RIMS1: variants seen among roughly 807,000 people sequenced by gnomAD.
The protein encoded by RIMS1 is regulating synaptic membrane exocytosis 1, also known as regulating synaptic membrane exocytosis protein 1.
In RIMS1, 83 loss-of-function variants were observed where a neutral mutation model predicts 214.1. The observed-to-expected ratio is 0.39, with a 90% CI of 0.32 to 0.47. The LOEUF is 0.47. Among genes scored for constraint, RIMS1 ranks in the 20% least tolerant of loss-of-function variants. The probability of loss-of-function intolerance (pLI) is 0.99; values close to 1 mark genes in which losing one functional copy is unlikely to be tolerated. For missense variants in RIMS1, 2,050 were observed against 2,161.8 expected, an observed-to-expected ratio of 0.95 and a Z score of 1.03; for synonymous variants, 793 against 786.8, an observed-to-expected ratio of 1.01 and a Z score of -0.13.
chr6:72,355,796 T>A (rs1317612157), intron 29 of RIMS1, among the ~76,000 whole-genome samples: 1 of 152,160 alleles, frequency 6.6e-6, no homozygotes, highest in African/African-American at 2.4e-5. Flanking sequence ...TCGATACCTG[T>A]CATTTATAAC....
intron 22 of RIMS1, among the ~76,000 whole-genome samples, chr6:72,270,282 A>G (rs1049531355): frequency 6.6e-6 from 1 of 151,320 alleles, no homozygotes; most frequent in Admixed American, 6.6e-5. Flanking sequence ...ATATTGGGGG[A>G]AAAATATTTA....
intron 1 of RIMS1, among the ~76,000 whole-genome samples, chr6:71,938,206 C>G (rs1785012214): frequency 6.6e-6 from 1 of 152,220 alleles, no homozygotes; most frequent in Non-Finnish European, 1.5e-5. Context: ...ACATCCAGGT[C>G]ACACTGAGGG....
chr6:72,258,491 G>A (rs1017192183), intron 17 of RIMS1, among the ~76,000 whole-genome samples: 1 of 152,090 alleles, frequency 6.6e-6, no homozygotes, highest in African/African-American at 2.4e-5. Context: ...AGCAGAAGTT[G>A]TTTATGTCCC....
In RIMS1 at chr6:72,159,811, A is replaced by G. The variant is rs1297452217; in HGVS notation, c.472-19764A>G. Among the ~76,000 whole-genome samples, 7 of 139,880 alleles carry G rather than the reference A, an allele frequency of 5.0e-5. 2 individuals carry two copies. The highest frequency in any genetic ancestry group is 1.7e-4 in the African/African-American group (7 of 40,500). The allele number at this position is 139,880 out of a possible 152,430, so 91.8% of individuals were successfully genotyped here. On this transcript the variant is annotated intron_variant, in intron 4 of 33. Transcript: ENST00000521978. The stretch of plus-strand genomic sequence containing the variant: ...ATTGTAGCCTTGAAGTATAGTTTGA[A>G]GTCAGGTAGTGTGATGTCTCCAGCT...
At chr6:72,050,108 AC>A (rs1202698737) in intron 2 of RIMS1, among the ~76,000 whole-genome samples, 4 of 151,824 alleles carry the variant, frequency 2.6e-5, no homozygotes, top group Non-Finnish European at 5.9e-5. Flanking sequence ...ATACACACAC[AC>A]CCCACCACCA....
intron 1 of RIMS1, among the ~76,000 whole-genome samples, chr6:71,897,201 G>A (rs1239491566): frequency 6.6e-6 from 1 of 152,058 alleles, no homozygotes; most frequent in African/African-American, 2.4e-5. Flanking sequence ...CAATCCCATT[G>A]TCATTACCTT....
intron 31 of RIMS1, among the ~76,000 whole-genome samples, chr6:72,393,175 C>G (rs1397068313): frequency 6.6e-6 from 1 of 150,572 alleles, no homozygotes; most frequent in African/African-American, 2.4e-5. Context: ...CACGCCTACA[C>G]AACTTACCAA....
At chr6:71,916,345 G>C (rs546647852) in intron 1 of RIMS1, among the ~76,000 whole-genome samples, 1 of 152,218 alleles carries the variant, frequency 6.6e-6, no homozygotes, top group Admixed American at 6.5e-5. Context: ...TCATTGATGA[G>C]AGTGTTTGTA....
intron 4 of RIMS1, among the ~76,000 whole-genome samples, chr6:72,114,008 T>C (rs1217221446): frequency 6.6e-6 from 1 of 152,072 alleles, no homozygotes; most frequent in Non-Finnish European, 1.5e-5. Flanking sequence ...TTATGTCAAA[T>C]ATCAAATGAA....
chr6:72,162,240 G>A (rs2045548163), intron 4 of RIMS1, among the ~76,000 whole-genome samples: 1 of 140,164 alleles, frequency 7.1e-6, no homozygotes, highest in African/African-American at 2.5e-5. Flanking sequence ...CATTTGCTTG[G>A]TATTTCTTCC....
chr6:72,402,276 C>T lies in RIMS1; in HGVS notation c.*1562C>T, dbSNP rs1458921212. The T allele has an allele frequency of 1.3e-5, 2 of 152,534 alleles. No individual in the cohort carries two copies. The highest frequency in any genetic ancestry group is 2.4e-5 in the African/African-American group (1 of 41,426). The allele number at this position is 152,534 out of a possible 1,614,324, so 9.4% of individuals were successfully genotyped here. On this transcript the variant is annotated 3_prime_UTR_variant, in exon 34 of 34. Transcript: ENST00000521978. ...ACAGTTTGCTTGTTAATTACTATAC[C>T]GAAATAACCAAGAAATCTAAGCCAT...
chr6:72,327,064 A>T (rs998557271), intron 28 of RIMS1, among the ~76,000 whole-genome samples: 4 of 151,784 alleles, frequency 2.6e-5, no homozygotes, highest in African/African-American at 9.7e-5. Context: ...GATGAAACAT[A>T]GCCCAGCTGA....
chr6:72,388,051 G>C (rs2098642392), intron 29 of RIMS1, among the ~76,000 whole-genome samples: 1 of 152,186 alleles, frequency 6.6e-6, no homozygotes, highest in Non-Finnish European at 1.5e-5. Flanking sequence ...CCCTGTTCTA[G>C]ATACGAGGAA....
chr6:72,218,119 T>TTG (rs386407531), intron 6 of RIMS1, among the ~76,000 whole-genome samples: 1 of 151,680 alleles, frequency 6.6e-6, no homozygotes, highest in African/African-American at 2.4e-5. Context: ...TTTTTTTTTT[T>TTG]TAATTGGCTT....
intron 1 of RIMS1, among the ~76,000 whole-genome samples, chr6:71,926,087 GA>G (rs1781483635): frequency 2.0e-5 from 3 of 152,068 alleles, no homozygotes; most frequent in Admixed American, 1.3e-4. Flanking sequence ...TTGTTGTTGA[GA>G]CCCAGTCTCA....
intron 2 of RIMS1, among the ~76,000 whole-genome samples, chr6:72,031,060 A>G (rs1817967819): frequency 6.6e-6 from 1 of 152,186 alleles, no homozygotes; most frequent in South Asian, 2.1e-4. Context: ...AATACAACAC[A>G]TGGCATGACA....
chr6:72,308,960 T>G (rs2095375465), intron 27 of RIMS1, among the ~76,000 whole-genome samples: 1 of 152,178 alleles, frequency 6.6e-6, no homozygotes, highest in Admixed American at 6.6e-5. Context: ...ATTTGGGGTT[T>G]TGTTTTCCCT....
At chr6:72,032,939 G>A (rs964383910) in intron 2 of RIMS1, among the ~76,000 whole-genome samples, 6 of 152,132 alleles carry the variant, frequency 3.9e-5, no homozygotes, top group Non-Finnish European at 7.4e-5. Context: ...AAAGTACCAG[G>A]GAGTTCTAAA....
At chr6:72,304,257 A>G (rs769771916) in intron 26 of RIMS1, among the ~76,000 whole-genome samples, 12 of 151,734 alleles carry the variant, frequency 7.9e-5, no homozygotes, top group Non-Finnish European at 1.5e-4. Flanking sequence ...GGGTAATTGG[A>G]AAATACTTTA....
Sources: gnomAD v4.1 joint callset for allele counts (sites outside exome capture counted in the v4.1 genomes callset) on GRCh38, gnomAD v4.1.1 for gene constraint, MANE v1.5 for transcripts, NCBI Gene and HGNC (gene_info 2026-07-23, HGNC 2026-07-21) for gene names.